The following CREB1 variants were observed in gnomAD, a reference collection of about 807,000 sequenced individuals.
CREB1 encodes cyclic AMP-responsive element-binding protein 1.
Under a neutral mutation model 42.0 loss-of-function variants are expected in CREB1, and 2 were observed. The observed-to-expected ratio is 0.05, with a 90% CI of 0.02 to 0.15. The LOEUF (loss-of-function observed/expected upper bound fraction) is 0.15, where lower values mean the gene tolerates loss of function less well. Ranked by LOEUF, CREB1 falls within the 10% of genes least tolerant of loss-of-function variation. CREB1 has a pLI of 1.00. For synonymous variants in CREB1, 123 were observed against 139.9 expected (o/e 0.88, Z 0.85); for missense variants, 199 against 388.9 (o/e 0.51, Z 4.11).
At chr2:207,576,340 A>G (rs2082600441) in intron 6 of CREB1, among the ~76,000 whole-genome samples, 4 of 150,498 alleles carry the variant, frequency 2.7e-5, no homozygotes. Context: ...GAATATTTCA[A>G]GAATATAGTT....
At chr2:207,558,655 T>C (rs2081830570) in intron 2 of CREB1, among the ~76,000 whole-genome samples, 1 of 151,922 alleles carries the variant, frequency 6.6e-6, no homozygotes, top group Non-Finnish European at 1.5e-5. Context: ...TTTTTTTTTT[T>C]TTTTTTGAGA....
rs2087503341 is a variant in CREB1 at position 207,603,571 on chromosome 2, A to G, written c.*6513A>G. 4.5e-6 allele frequency: 1 copy of G among 224,134 alleles called. No homozygotes were observed. Among genetic ancestry groups the G allele is most frequent in the Non-Finnish European group, 8.9e-6 (1 of 112,344 alleles). The allele number at this position is 224,134 out of a possible 1,614,324, so 13.9% of individuals were successfully genotyped here. A position where few individuals can be genotyped will look rare whatever the true frequency, so the allele number is the denominator to read the frequency against. ...GGAAGGCAGCAAAACTAATTCAGACAACAACATGTCTTCAGTTACTGGATC... is the reference window on the plus strand; with the variant it reads ...GGAAGGCAGCAAAACTAATTCAGACGACAACATGTCTTCAGTTACTGGATC... On this transcript the variant is annotated 3_prime_UTR_variant, in exon 8 of 8. Coordinates refer to ENST00000353267, the MANE Select transcript of CREB1 (RefSeq NM_004379.5).
intron 1 of CREB1, among the ~76,000 whole-genome samples, chr2:207,537,808 T>G (rs1559262478): frequency 6.6e-6 from 1 of 152,214 alleles, no homozygotes; most frequent in Non-Finnish European, 1.5e-5. Flanking sequence ...TCTCTCTCTT[T>G]TTAAGCTCTG....
chr2:207,547,764 C>T (rs1309488953), intron 1 of CREB1, among the ~76,000 whole-genome samples: 1 of 151,780 alleles, frequency 6.6e-6, no homozygotes, highest in African/African-American at 2.4e-5. Context: ...ATAGTCTTAC[C>T]TGAAGGAAAA....
rs544683881 is a variant in CREB1 at position 207,587,748 on chromosome 2, C to T, written c.840-9166C>T. On this transcript the variant is annotated intron_variant, in intron 7 of 7. Transcript: ENST00000353267. ...ATGTGGGAGCTAAAAATTTTTTGAG[C>T]TTATGGAAGTAGAGAGTAAAATTGT... Among the ~76,000 whole-genome samples, 4 of 152,114 alleles carry T rather than the reference C, an allele frequency of 2.6e-5. No homozygotes were observed. In the East Asian group the frequency reaches 7.7e-4, roughly 29 times the overall value.
intron 4 of CREB1, among the ~76,000 whole-genome samples, chr2:207,569,383 C>T (rs2082263552): frequency 6.6e-6 from 1 of 152,118 alleles, no homozygotes. Context: ...CTCCCAGCAG[C>T]AATGTATGAG....
intron 2 of CREB1, 108 bp from the exon 3 acceptor site, chr2:207,560,118 C>G: frequency 1.1e-6 from 1 of 948,748 alleles, no homozygotes; most frequent in Non-Finnish European, 1.5e-6. Context: ...AAATACATAT[C>G]TAGCAAAAAG....
At position 207,577,290 on chromosome 2, in the gene CREB1, CG is replaced by C. The variant is rs2082632821; in HGVS notation, c.689-213del. 5 of 1,031,818 alleles carry C rather than the reference CG, an allele frequency of 4.8e-6. No homozygotes were observed. In the Admixed American group the frequency reaches 1.0e-4, roughly 21 times the overall value. The allele number at this position is 1,031,818 out of a possible 1,614,324, so 63.9% of individuals were successfully genotyped here. A position where few individuals can be genotyped will look rare whatever the true frequency, so the allele number is the denominator to read the frequency against. Reference sequence around the variant, plus strand: ...ATGAAAAATAAAATGTAAGATCCAGCGGACATAGGTTACTGTAATAAATACA... The same window carrying C: ...ATGAAAAATAAAATGTAAGATCCAGCGACATAGGTTACTGTAATAAATACA... On this transcript the variant is annotated intron_variant, in intron 6 of 7. Transcript: ENST00000353267.
intron 1 of CREB1, chr2:207,550,169 G>T (rs73055090): frequency 6.6e-6 from 1 of 152,156 alleles, no homozygotes; most frequent in African/African-American, 2.4e-5. Flanking sequence ...TGAAAATCAT[G>T]TGCCCAAATA....
At position 207,603,102 on chromosome 2, in the gene CREB1, C is replaced by A. The variant is rs1197688690; in HGVS notation, c.*6044C>A. 1 of 210,772 alleles carries A rather than the reference C, an allele frequency of 4.7e-6. No individual in the cohort carries two copies. 13.1% of individuals were successfully genotyped at this position (210,772 alleles called of 1,614,324 possible). A position where few individuals can be genotyped will look rare whatever the true frequency, so the allele number is the denominator to read the frequency against. ...TTGGAGTTGAATACTAAATAAATAA[C>A]TATAATGAGGGAAATACATTTCTAA... On this transcript the variant is annotated 3_prime_UTR_variant, in exon 8 of 8. Coordinates refer to ENST00000353267, the MANE Select transcript of CREB1 (RefSeq NM_004379.5).
At position 207,547,212 on chromosome 2, in the gene CREB1, A is replaced by G. The variant is rs57857979; in HGVS notation, c.-8-8416A>G. On this transcript the variant is annotated intron_variant, in intron 1 of 7. Transcript: ENST00000353267. The stretch of plus-strand genomic sequence containing the variant: ...GAATAACATTTCAAAATTTAGTTCA[A>G]AATAACAGATGTTACTTCATAAACT... Among the ~76,000 whole-genome samples the G allele has an allele frequency of 5.9e-5, 9 of 152,384 alleles. No individual in the cohort carries two copies. In the East Asian group the frequency reaches 1.3e-3, roughly 23 times the overall value.
chr2:207,540,473 C>T (rs2081049604), intron 1 of CREB1, among the ~76,000 whole-genome samples: 1 of 151,824 alleles, frequency 6.6e-6, no homozygotes, highest in Non-Finnish European at 1.5e-5. Flanking sequence ...AATCCTGTCT[C>T]TACAGAGAAT....
chr2:207,550,314 A>G (rs1412269868), intron 1 of CREB1: 1 of 138,562 alleles, frequency 7.2e-6, no homozygotes, highest in East Asian at 2.0e-4. Context: ...TGTTTTTCTC[A>G]TTTCTAGTTG....
chr2:207,539,044 CTTT>C (rs66502070), intron 1 of CREB1, among the ~76,000 whole-genome samples: 2 of 140,472 alleles, frequency 1.4e-5, no homozygotes, highest in Non-Finnish European at 3.1e-5. Context: ...TATTTGTACT[CTTT>C]TTTTTTTTTT....
chr2:207,581,432 A>G (rs573026436), intron 7 of CREB1: 18 of 202,106 alleles, frequency 8.9e-5, no homozygotes, highest in Non-Finnish European at 1.4e-4. Flanking sequence ...GAGTATTTAC[A>G]TTACTATCAG....
intron 1 of CREB1, chr2:207,550,338 T>C (rs571117481): frequency 6.6e-6 from 1 of 151,650 alleles, no homozygotes; most frequent in South Asian, 2.1e-4. Flanking sequence ...TCATTCTTTT[T>C]TTTTTTTTTT....
At chr2:207,548,521 C>T (rs1028189250) in intron 1 of CREB1, among the ~76,000 whole-genome samples, 4 of 152,078 alleles carry the variant, frequency 2.6e-5, no homozygotes, top group Admixed American at 2.0e-4. Flanking sequence ...GAGGCTGATG[C>T]GGGTAGATCA....
intron 7 of CREB1, among the ~76,000 whole-genome samples, chr2:207,583,520 C>T (rs1261585695): frequency 3.3e-5 from 5 of 152,088 alleles, no homozygotes; most frequent in Non-Finnish European, 5.9e-5. Context: ...TGTTTTTGGC[C>T]TAATAGTATT....
intron 7 of CREB1, among the ~76,000 whole-genome samples, chr2:207,582,452 A>G (rs1265084965): frequency 6.6e-6 from 1 of 152,210 alleles, no homozygotes; most frequent in Non-Finnish European, 1.5e-5. Context: ...ATACAGACAC[A>G]TACTTTGGGA....
Sources: gnomAD v4.1 joint callset for allele counts (sites outside exome capture counted in the v4.1 genomes callset) on GRCh38, gnomAD v4.1.1 for gene constraint, MANE v1.5 for transcripts, NCBI Gene and HGNC (gene_info 2026-07-23, HGNC 2026-07-21) for gene names.